TBC1D9: variants seen among roughly 807,000 people sequenced by gnomAD.
The protein encoded by TBC1D9 is TBC1 domain family member 9, also known as TBC1 domain family member 9A.
In TBC1D9, 63 loss-of-function variants were observed where a neutral mutation model predicts 132.0. The ratio of observed to expected loss-of-function variants is 0.48; its 90% CI spans 0.39 to 0.59. The LOEUF is 0.59. Among genes scored for constraint, TBC1D9 ranks in the 20% least tolerant of loss-of-function variants. TBC1D9 has a pLI of 0.00. For missense variants in TBC1D9, 1,261 were observed against 1,592.7 expected (o/e 0.79, Z 3.54); for synonymous variants, 610 against 609.9 (o/e 1.00, Z 0.00).
chr4:140,658,020 C>T (rs1737298776), intron 11 of TBC1D9, among the ~76,000 whole-genome samples: 1 of 152,182 alleles, frequency 6.6e-6, no homozygotes, highest in Non-Finnish European at 1.5e-5. Flanking sequence ...CTCTTCCTGT[C>T]CTGTTTTCCC....
intron 14 of TBC1D9, 65 bp downstream of exon 14, chr4:140,639,265 A>G (rs1025148580): frequency 1.3e-6 from 2 of 1,488,384 alleles, no homozygotes; most frequent in South Asian, 1.2e-5. Flanking sequence ...GCAGGAATCC[A>G]CAGCCAGCAG....
intron 13 of TBC1D9, chr4:140,643,332 T>C: frequency 7.4e-7 from 1 of 1,343,696 alleles, no homozygotes; most frequent in Non-Finnish European, 1.0e-6. Flanking sequence ...TTCCTGCTTC[T>C]CCAAGGCCTG....
At chr4:140,721,950 C>A (rs1738431150) in intron 1 of TBC1D9, among the ~76,000 whole-genome samples, 1 of 152,134 alleles carries the variant, frequency 6.6e-6, no homozygotes, top group African/African-American at 2.4e-5. Flanking sequence ...GAGCCCTTAC[C>A]AGACTCCATG....
chr4:140,660,440 G>T (rs1737339233), intron 10 of TBC1D9, among the ~76,000 whole-genome samples: 1 of 152,124 alleles, frequency 6.6e-6, no homozygotes, highest in Non-Finnish European at 1.5e-5. Context: ...TGTTCATCAG[G>T]CTTCTACAAT....
chr4:140,723,475 A>G (rs759796295), intron 1 of TBC1D9, among the ~76,000 whole-genome samples: 1 of 152,184 alleles, frequency 6.6e-6, no homozygotes, highest in Non-Finnish European at 1.5e-5. Flanking sequence ...CTGTGACTAC[A>G]GGTGTGCACC....
chr4:140,684,151 C>G (rs1180475807), intron 3 of TBC1D9, among the ~76,000 whole-genome samples: 1 of 151,548 alleles, frequency 6.6e-6, no homozygotes, highest in Middle Eastern at 3.2e-3. Flanking sequence ...CCTGTACTTC[C>G]AGCACTTTGG....
intron 18 of TBC1D9, among the ~76,000 whole-genome samples, chr4:140,626,715 A>G (rs1736714283): frequency 2.0e-5 from 3 of 152,208 alleles, no homozygotes; most frequent in Non-Finnish European, 4.4e-5. Flanking sequence ...GTTGAATCAC[A>G]TCTTTGTAGA....
chr4:140,754,226 A>T (rs1738968739), intron 1 of TBC1D9, among the ~76,000 whole-genome samples: 1 of 152,184 alleles, frequency 6.6e-6, no homozygotes. Flanking sequence ...ATGAATACTT[A>T]ATGCTTACAA....
chr4:140,621,827 T>A lies in TBC1D9; in HGVS notation c.*368A>T, dbSNP rs1428678876. On this transcript the variant is annotated 3_prime_UTR_variant, in exon 21 of 21. Transcript: ENST00000442267. Reference sequence around the variant, plus strand: ...TATTTAAAAAGCCTGAATACACAAATGACTGCTGCCTTACTTAGCATTAAA... The same window carrying A: ...TATTTAAAAAGCCTGAATACACAAAAGACTGCTGCCTTACTTAGCATTAAA... 1 of 163,948 alleles carries A rather than the reference T, an allele frequency of 6.1e-6. No individual in the cohort carries two copies. Among genetic ancestry groups the A allele is most frequent in the Non-Finnish European group, 1.3e-5 (1 of 76,460 alleles). The allele number at this position is 163,948 out of a possible 1,614,324, so 10.2% of individuals were successfully genotyped here.
rs1425131840 is a variant in TBC1D9 at position 140,624,372 on chromosome 4, G to A, written c.2916C>T (p.Ser972=). ...PECTHVVGLD[S]RSKQGADDGF... ...CATCATCTGCACCCTGTTTGCTTCT[G>A]CTATCCAATCCAACAACTACCAAGA... The change falls in exon 19 of 21, where the codon AGC becomes AGT. Residue 972 remains serine, a synonymous_variant. Coordinates refer to ENST00000442267, the MANE Select transcript of TBC1D9 (RefSeq NM_015130.3). The A allele has an allele frequency of 6.2e-7, 1 of 1,613,396 alleles. No individual in the cohort carries two copies. Among genetic ancestry groups the A allele is most frequent in the East Asian group, 2.2e-5 (1 of 44,888 alleles).
intron 1 of TBC1D9, among the ~76,000 whole-genome samples, chr4:140,728,042 T>C (rs1449578657): frequency 6.6e-6 from 1 of 152,232 alleles, no homozygotes; most frequent in Non-Finnish European, 1.5e-5. Context: ...ATTTTACTTT[T>C]TTACTTTTAA....
At chr4:140,696,193 CACGCCT>C (rs376860656) in intron 2 of TBC1D9, among the ~76,000 whole-genome samples, 51,405 of 151,588 alleles carry the variant, frequency 0.34, 8,812 homozygotes, top group East Asian at 0.43. Context: ...CGTGATGGCT[CACGCCT>C]GTAATCCCAG....
At chr4:140,720,363 G>A (rs1307815516) in intron 1 of TBC1D9, among the ~76,000 whole-genome samples, 2 of 152,252 alleles carry the variant, frequency 1.3e-5, no homozygotes, top group Non-Finnish European at 2.9e-5. Flanking sequence ...TTAGGAAAGA[G>A]ACAACAGGAG....
At chr4:140,694,505 A>G (rs1737921488) in intron 2 of TBC1D9, among the ~76,000 whole-genome samples, 1 of 150,654 alleles carries the variant, frequency 6.6e-6, no homozygotes, top group African/African-American at 2.4e-5. Context: ...TGGGAGTTAG[A>G]GGTTGCAGTA....
At chr4:140,700,638 T>C (rs1470404016) in intron 2 of TBC1D9, among the ~76,000 whole-genome samples, 2 of 151,680 alleles carry the variant, frequency 1.3e-5, no homozygotes, top group African/African-American at 2.4e-5. Flanking sequence ...CTGGCCAACA[T>C]GGTGAAACCC....
intron 13 of TBC1D9, among the ~76,000 whole-genome samples, chr4:140,650,722 A>G (rs765849369): frequency 2.6e-5 from 4 of 151,966 alleles, no homozygotes. Flanking sequence ...TTTAGTAGAG[A>G]CGGGGTTTTG....
Position 140,642,788 on chromosome 4 carries a change from T to C in TBC1D9, c.2338-3360A>G. ...TGTCGGCAGAGATTTGCTGCTCAGC[T>C]TTCCGCTACTGTTGCAGTTCTTCCC... is the stretch of plus-strand genomic sequence containing the variant. On this transcript the variant is annotated intron_variant, in intron 13 of 20. Transcript: ENST00000442267. 3.2e-6 allele frequency: 2 copies of C among 633,574 alleles called. 1 individual carries two copies. The highest frequency in any genetic ancestry group is 5.6e-6 in the Non-Finnish European group (2 of 356,914). 39.2% of individuals were successfully genotyped at this position (633,574 alleles called of 1,614,324 possible). A position where few individuals can be genotyped will look rare whatever the true frequency, so the allele number is the denominator to read the frequency against.
chr4:140,624,069 A>C, intron 20 of TBC1D9, 47 bp downstream of exon 20: 1 of 1,450,382 alleles, frequency 6.9e-7, no homozygotes, highest in Non-Finnish European at 9.5e-7. Flanking sequence ...TCATAGAAAA[A>C]AGAGTGTCCA....
chr4:140,746,147 G>A (rs1738832951), intron 1 of TBC1D9, among the ~76,000 whole-genome samples: 1 of 152,100 alleles, frequency 6.6e-6, no homozygotes, highest in Non-Finnish European at 1.5e-5. Flanking sequence ...TTCATCTCAA[G>A]GTTAATAATG....
Sources: gnomAD v4.1 joint callset for allele counts (sites outside exome capture counted in the v4.1 genomes callset) on GRCh38, gnomAD v4.1.1 for gene constraint, MANE v1.5 for transcripts, NCBI Gene and HGNC (gene_info 2026-07-23, HGNC 2026-07-21) for gene names.